BRINP3: variants seen among roughly 807,000 people sequenced by gnomAD.
BRINP3 encodes BMP/retinoic acid inducible neural specific 3.
In BRINP3, 19 loss-of-function variants were observed where a neutral mutation model predicts 71.0. That is an observed-to-expected ratio of 0.27 (90% confidence interval 0.19 to 0.39). BRINP3 has a LOEUF of 0.39. BRINP3 is among the 10% of genes least tolerant of loss of function. The pLI is 1.00. For missense variants in BRINP3, 959 were observed against 940.8 expected, an observed-to-expected ratio of 1.02 and a Z score of -0.25; for synonymous variants, 380 against 337.7, an observed-to-expected ratio of 1.13 and a Z score of -1.37.
At chr1:190,475,125 G>A (rs1344519514) in intron 1 of BRINP3, among the ~76,000 whole-genome samples, 1 of 152,104 alleles carries the variant, frequency 6.6e-6, no homozygotes, top group East Asian at 1.9e-4. Context: ...GTGAAGGAAA[G>A]GAAGGAGTGA....
chr1:190,395,837 TG>T (rs1409006148), intron 2 of BRINP3, among the ~76,000 whole-genome samples: 2 of 151,858 alleles, frequency 1.3e-5, no homozygotes, highest in Admixed American at 1.3e-4. Flanking sequence ...TTTAAGTTTT[TG>T]GTAATAAAGA....
At position 190,339,005 on chromosome 1, in the gene BRINP3, AAAATAAATAAATAAAT is replaced by A. The variant is rs144106726; in HGVS notation, c.237-57271_237-57256del. Among the ~76,000 whole-genome samples the A allele has an allele frequency of 5.4e-3, 776 of 143,824 alleles. 1 individual carries two copies. The highest frequency in any genetic ancestry group is 0.014 in the Middle Eastern group (4 of 286). The allele number at this position is 143,824 out of a possible 152,430, so 94.4% of individuals were successfully genotyped here. On this transcript the variant is annotated intron_variant, in intron 2 of 7. Transcript: ENST00000367462. ...GCAGAGTATAGCTGATTGCAAATGC[AAAATAAATAAATAAAT>A]AAATAAATAAATAAATAAATAAATA...
intron 4 of BRINP3, among the ~76,000 whole-genome samples, chr1:190,258,266 C>T (rs534919115): frequency 6.3e-4 from 96 of 152,288 alleles, no homozygotes; most frequent in African/African-American, 2.2e-3. Context: ...GTGAGCAAGG[C>T]TCCGTGGGCA....
In BRINP3 at chr1:190,413,827, CTA is replaced by C. The variant is rs111358021; in HGVS notation, c.236+40826_236+40827del. Among the ~76,000 whole-genome samples, 447 of 151,914 alleles carry C rather than the reference CTA, an allele frequency of 2.9e-3. 2 individuals are homozygous for C. The highest frequency in any genetic ancestry group is 0.01 in the African/African-American group (419 of 41,378). On this transcript the variant is annotated intron_variant, in intron 2 of 7. Coordinates refer to ENST00000367462, the MANE Select transcript of BRINP3 (RefSeq NM_199051.3). ...TATATTCATTGACAAAGAAAAATGC[CTA>C]TGTTATATTGTTAATTTTAAAAGTC...
At chr1:190,203,421 G>GTA (rs369786185) in intron 6 of BRINP3, among the ~76,000 whole-genome samples, 14,259 of 144,714 alleles carry the variant, frequency 0.099, 1,198 homozygotes, top group East Asian at 0.24. Context: ...ATGTGTGTGT[G>GTA]TATATATATA....
chr1:190,117,070 C>T (rs1271082112), intron 7 of BRINP3, among the ~76,000 whole-genome samples: 1 of 151,966 alleles, frequency 6.6e-6, no homozygotes, highest in African/African-American at 2.4e-5. Flanking sequence ...CAGCATAATG[C>T]CTTTGCAGAA....
intron 2 of BRINP3, among the ~76,000 whole-genome samples, chr1:190,453,530 T>A (rs758163221): frequency 6.6e-6 from 1 of 152,244 alleles, no homozygotes; most frequent in Non-Finnish European, 1.5e-5. Context: ...TCATTTCATT[T>A]ATTTAAAAAA....
At chr1:190,265,131 G>C (rs1226643849) in intron 3 of BRINP3, 76 bp from the exon 4 acceptor site, 8 of 1,314,064 alleles carry the variant, frequency 6.1e-6, no homozygotes, top group Non-Finnish European at 8.4e-6. Context: ...AGGTGGAAAG[G>C]TCTAGCTTAT....
intron 6 of BRINP3, among the ~76,000 whole-genome samples, chr1:190,164,978 T>C (rs1196934930): frequency 2.0e-5 from 3 of 152,238 alleles, no homozygotes; most frequent in Non-Finnish European, 2.9e-5. Flanking sequence ...ATGTATATAT[T>C]GGTATAATTC....
At chr1:190,339,401 T>C (rs2103105811) in intron 2 of BRINP3, among the ~76,000 whole-genome samples, 1 of 152,124 alleles carries the variant, frequency 6.6e-6, no homozygotes, top group East Asian at 1.9e-4. Flanking sequence ...TTCTACAGTA[T>C]CTGTACAAGC....
intron 6 of BRINP3, among the ~76,000 whole-genome samples, chr1:190,214,256 T>C (rs1369736178): frequency 6.6e-6 from 1 of 152,078 alleles, no homozygotes; most frequent in Non-Finnish European, 1.5e-5. Flanking sequence ...AATTCTCACT[T>C]GGTATATAAT....
At chr1:190,297,779 C>CGT (rs58341057) in intron 2 of BRINP3, among the ~76,000 whole-genome samples, 9,808 of 146,474 alleles carry the variant, frequency 0.067, 347 homozygotes, top group Middle Eastern at 0.087. Flanking sequence ...TCTGTTTTCT[C>CGT]GTGTGTGTGT....
At chr1:190,374,456 C>T (rs116740731) in intron 2 of BRINP3, among the ~76,000 whole-genome samples, 76 of 152,002 alleles carry the variant, frequency 5.0e-4, no homozygotes, top group African/African-American at 1.8e-3. Flanking sequence ...CAATTTAATT[C>T]GTCAAAAGAG....
intron 2 of BRINP3, among the ~76,000 whole-genome samples, chr1:190,392,770 T>C (rs1671331152): frequency 6.6e-6 from 1 of 151,570 alleles, no homozygotes; most frequent in South Asian, 2.1e-4. Flanking sequence ...CTGAGTACAC[T>C]GTAAGGGGAA....
At chr1:190,173,573 G>T (rs948944352) in intron 6 of BRINP3, among the ~76,000 whole-genome samples, 6 of 152,122 alleles carry the variant, frequency 3.9e-5, no homozygotes, top group Admixed American at 6.6e-5. Flanking sequence ...TAAAGAGCAA[G>T]AATGGAAGTC....
intron 2 of BRINP3, among the ~76,000 whole-genome samples, chr1:190,361,362 T>A (rs896874355): frequency 7.2e-6 from 1 of 138,590 alleles, no homozygotes; most frequent in African/African-American, 2.7e-5. Flanking sequence ...AATGAATATG[T>A]AATTTAGGAA....
chr1:190,329,697 C>T (rs1666839927), intron 2 of BRINP3, among the ~76,000 whole-genome samples: 1 of 151,816 alleles, frequency 6.6e-6, no homozygotes. Flanking sequence ...GCCAAAGCAA[C>T]CCTGAGCACA....
chr1:190,292,300 T>G (rs1315130544), intron 2 of BRINP3, among the ~76,000 whole-genome samples: 3 of 151,982 alleles, frequency 2.0e-5, no homozygotes, highest in African/African-American at 7.3e-5. Flanking sequence ...CCTAAAATAC[T>G]GATGAACTGT....
chr1:190,342,802 T>C (rs1667750576), intron 2 of BRINP3: 1 of 151,896 alleles, frequency 6.6e-6, no homozygotes, highest in East Asian at 1.9e-4. Context: ...TACATGTACA[T>C]TTTTAGGAAA....
Sources: allele counts gnomAD v4.1 joint callset (sites outside exome capture counted in the v4.1 genomes callset), GRCh38; gene constraint gnomAD v4.1.1; transcripts MANE v1.5; gene names NCBI Gene and HGNC (gene_info 2026-07-23, HGNC 2026-07-21).